The following TMEM72 variants were observed in gnomAD, a reference collection of about 807,000 sequenced individuals.
TMEM72 encodes transmembrane protein 72, also known as kidney-specific secretory protein of 37 kDa.
TMEM72 carries 9 observed loss-of-function variants against 16.3 expected under a neutral mutation model. The observed-to-expected ratio is 0.55, with a 90% CI of 0.33 to 0.96. The LOEUF (loss-of-function observed/expected upper bound fraction) is 0.96. TMEM72 is among the 40% of genes least tolerant of loss of function. The probability of loss-of-function intolerance (pLI) is 0.03; values close to 1 mark genes in which losing one functional copy is unlikely to be tolerated. For synonymous variants in TMEM72, 160 were observed against 146.5 expected, an observed-to-expected ratio of 1.09 and a Z score of -0.66; for missense variants, 324 against 337.8, an observed-to-expected ratio of 0.96 and a Z score of 0.32.
At chr10:44,927,385 A>G (rs907363045) in intron 1 of TMEM72, among the ~76,000 whole-genome samples, 14 of 151,214 alleles carry the variant, frequency 9.3e-5, no homozygotes, top group African/African-American at 2.7e-4. Flanking sequence ...GTTGAGCAAC[A>G]TTTTCTTGTC....
chr10:44,933,802 C>T, intron 4 of TMEM72, 26 bp downstream of exon 4: 4 of 1,595,000 alleles, frequency 2.5e-6, no homozygotes, highest in Non-Finnish European at 3.4e-6. Context: ...TAGAGATATG[C>T]AGCCCCAGCA....
chr10:44,919,392 T>A (rs1008432715), intron 1 of TMEM72, among the ~76,000 whole-genome samples: 1 of 152,188 alleles, frequency 6.6e-6, no homozygotes, highest in African/African-American at 2.4e-5. Context: ...GAAAATCTAA[T>A]AGAATCTACC....
chr10:44,926,615 C>T (rs75716194), intron 1 of TMEM72, among the ~76,000 whole-genome samples: 2,436 of 152,246 alleles, frequency 0.016, 63 homozygotes, highest in African/African-American at 0.055. Context: ...ACTCGGTGTC[C>T]GCCTCCTGTG....
At chr10:44,933,602 G>T in intron 3 of TMEM72, 35 bp from the exon 4 acceptor site, 1 of 1,591,754 alleles carries the variant, frequency 6.3e-7, no homozygotes, top group South Asian at 1.1e-5. Context: ...GTTTTCCTGG[G>T]ACACATTATG....
chr10:44,926,853 C>T (rs1421798743), intron 1 of TMEM72, among the ~76,000 whole-genome samples: 1 of 151,940 alleles, frequency 6.6e-6, no homozygotes, highest in African/African-American at 2.4e-5. Flanking sequence ...AAGGCTCTTC[C>T]CTGCTCTCTA....
rs1347640351 is a variant in TMEM72 at position 44,927,977 on chromosome 10, T to G, written c.127T>G (p.Phe43Val). Residue 43 changes from phenylalanine (F) to valine (V), a missense_variant, in exon 2 of 5, where the codon TTC becomes GTC. Phe to Val is a conservative substitution (Grantham distance 50). Coordinates refer to ENST00000389583, the MANE Select transcript of TMEM72 (RefSeq NM_001123376.3). ...CCAGGGCCAGTTCAAAAGCCTGGCTTTCTATCTGCTGTGAGTATGTGTGCA... is the reference window on the plus strand; with the variant it reads ...CCAGGGCCAGTTCAAAAGCCTGGCTGTCTATCTGCTGTGAGTATGTGTGCA... ...FLQGQFKSLA[F>V]YLLFTGAAVS... The G allele has an allele frequency of 6.2e-7, 1 of 1,613,502 alleles. No homozygotes were observed. The highest frequency in any genetic ancestry group is 8.5e-7 in the Non-Finnish European group (1 of 1,179,908).
Position 44,911,432 on chromosome 10 carries a change from A to G in TMEM72, c.-81A>G, listed in dbSNP as rs760633082. The stretch of plus-strand genomic sequence containing the variant: ...AGCCACAGCCAGCAGCCTCCTACCT[A>G]CACAAGGGTGTTCGGGAGCATCTCA... On this transcript the variant is annotated 5_prime_UTR_variant, in exon 1 of 5. Coordinates refer to ENST00000389583, the MANE Select transcript of TMEM72 (RefSeq NM_001123376.3). 52 of 1,452,956 alleles carry G rather than the reference A, an allele frequency of 3.6e-5. 4 individuals are homozygous for G. In the South Asian group the frequency reaches 6.2e-4, roughly 17 times the overall value. 90.0% of individuals were successfully genotyped at this position (1,452,956 alleles called of 1,614,324 possible).
At position 44,912,498 on chromosome 10, in the gene TMEM72, G is replaced by A. The variant is rs74974057; in HGVS notation, c.70+916G>A. Reference sequence around the variant, plus strand: ...CACCACTGGGCAAAAGCTTACCCACGGGTCTTACCAAATGGGAAAGTTCTC... The same window carrying A: ...CACCACTGGGCAAAAGCTTACCCACAGGTCTTACCAAATGGGAAAGTTCTC... On this transcript the variant is annotated intron_variant, in intron 1 of 4. Transcript: ENST00000389583. Among the ~76,000 whole-genome samples, 196 of 152,302 alleles carry A rather than the reference G, an allele frequency of 1.3e-3. 2 individuals are homozygous for A. Among genetic ancestry groups the A allele is most frequent in the African/African-American group, 4.6e-3 (192 of 41,568 alleles).
intron 2 of TMEM72, 118 bp downstream of exon 2, chr10:44,928,105 AG>A: frequency 1.8e-6 from 2 of 1,126,430 alleles, no homozygotes; most frequent in East Asian, 2.4e-5. Context: ...ATCCTATCTC[AG>A]GGGTGAAGGG....
In TMEM72 at chr10:44,927,972, T is replaced by C. The variant is rs1416572011; in HGVS notation, c.122T>C (p.Leu41Pro). The change falls in exon 2 of 5, where the codon CTG becomes CCG. Residue 41 changes from leucine to proline, a missense_variant. Leu to Pro is a moderately conservative substitution (Grantham distance 98). Coordinates refer to ENST00000389583, the MANE Select transcript of TMEM72 (RefSeq NM_001123376.3). ...ETFLQGQFKS[L>P]AFYLLFTGAA... ...TTCCTCCAGGGCCAGTTCAAAAGCC[T>C]GGCTTTCTATCTGCTGTGAGTATGT... The C allele has an allele frequency of 6.2e-7, 1 of 1,613,798 alleles. No individual in the cohort carries two copies. The highest frequency in any genetic ancestry group is 8.5e-7 in the Non-Finnish European group (1 of 1,179,978).
chr10:44,929,720 G>A (rs968475240), intron 2 of TMEM72, among the ~76,000 whole-genome samples: 15 of 152,238 alleles, frequency 9.9e-5, no homozygotes, highest in Admixed American at 9.2e-4. Flanking sequence ...CTCACTTCTT[G>A]CCACTCATGT....
At chr10:44,912,282 G>C (rs981275894) in intron 1 of TMEM72, among the ~76,000 whole-genome samples, 2 of 152,190 alleles carry the variant, frequency 1.3e-5, no homozygotes, top group Admixed American at 1.3e-4. Context: ...TGTTAGAGCA[G>C]AGCCCAGAGC....
chr10:44,927,889 G>A, intron 1 of TMEM72, 32 bp from the exon 2 acceptor site: 1 of 1,605,830 alleles, frequency 6.2e-7, no homozygotes, highest in Non-Finnish European at 8.5e-7. Context: ...TAGAGCACCA[G>A]GCCCACTCTT....
At chr10:44,913,843 G>A (rs982330755) in intron 1 of TMEM72, among the ~76,000 whole-genome samples, 2 of 152,288 alleles carry the variant, frequency 1.3e-5, no homozygotes, top group Admixed American at 6.5e-5. Context: ...ATTTACAAGG[G>A]CACTGCTGCT....
At chr10:44,933,830 G>T in intron 4 of TMEM72, 54 bp downstream of exon 4, 1 of 1,540,628 alleles carries the variant, frequency 6.5e-7, no homozygotes, top group Non-Finnish European at 8.8e-7. Flanking sequence ...ACTCTGAGCA[G>T]GAGGAGCTGA....
chr10:44,933,781 G>A lies in TMEM72; in HGVS notation c.349+5G>A. 1.2e-6 allele frequency: 2 copies of A among 1,612,582 alleles called. No individual in the cohort carries two copies. The highest frequency in any genetic ancestry group is 1.7e-6 in the Non-Finnish European group (2 of 1,179,012). Reference sequence around the variant, plus strand: ...TCTGGCACGTGACCATCCCAGGTAAGAGCACAGGGGTAGAGATATGCAGCC... The same window carrying A: ...TCTGGCACGTGACCATCCCAGGTAAAAGCACAGGGGTAGAGATATGCAGCC... On this transcript the variant is annotated splice_donor_5th_base_variant and intron_variant, in intron 4 of 4. Transcript: ENST00000389583.
chr10:44,934,669 C>T lies in TMEM72; in HGVS notation c.363C>T (p.Ile121=). ...WHVTIPGSML[I]ITGLAYFLLS... ...GCTCTTTTCCAGGCTCCATGCTCATCATCACCGGCCTGGCCTACTTCCTTC... is the reference window on the plus strand; with the variant it reads ...GCTCTTTTCCAGGCTCCATGCTCATTATCACCGGCCTGGCCTACTTCCTTC... The change falls in exon 5 of 5, where the codon ATC becomes ATT. Residue 121 remains isoleucine, a synonymous_variant. Transcript: ENST00000389583. 6.3e-7 allele frequency: 1 copy of T among 1,581,104 alleles called. No individual in the cohort carries two copies. Among genetic ancestry groups the T allele is most frequent in the Non-Finnish European group, 8.6e-7 (1 of 1,164,984 alleles).
rs571425606 is a variant in TMEM72 at position 44,916,338 on chromosome 10, T to A, written c.70+4756T>A. Among the ~76,000 whole-genome samples the A allele has an allele frequency of 2.4e-4, 37 of 152,326 alleles. No homozygotes were observed. The South Asian group carries it at 6.2e-3, about 26-fold the overall frequency. ...TTTGACCCATTAACCTGTTTCTCTA[T>A]ATAATGGACACAGCCACATTTTCAA... On this transcript the variant is annotated intron_variant, in intron 1 of 4. Coordinates refer to ENST00000389583, the MANE Select transcript of TMEM72 (RefSeq NM_001123376.3).
In TMEM72 at chr10:44,911,395, G is replaced by A; in HGVS notation, c.-118G>A. ...GCCAGGACTGGTTTGGGAAGGCAGG[G>A]CCCCGGTGTGCAGCCACAGCCAGCA... On this transcript the variant is annotated 5_prime_UTR_variant, in exon 1 of 5. Coordinates refer to ENST00000389583, the MANE Select transcript of TMEM72 (RefSeq NM_001123376.3). 9.2e-7 allele frequency: 1 copy of A among 1,081,888 alleles called. No individual in the cohort carries two copies. Among genetic ancestry groups the A allele is most frequent in the Non-Finnish European group, 1.3e-6 (1 of 751,998 alleles). The allele number at this position is 1,081,888 out of a possible 1,614,324, so 67.0% of individuals were successfully genotyped here.
Sources: gnomAD v4.1 joint callset for allele counts (sites outside exome capture counted in the v4.1 genomes callset) on GRCh38, gnomAD v4.1.1 for gene constraint, MANE v1.5 for transcripts, NCBI Gene and HGNC (gene_info 2026-07-23, HGNC 2026-07-21) for gene names.